The following GAS7 variants were observed in gnomAD, a reference collection of about 807,000 sequenced individuals.
GAS7 encodes the protein growth arrest-specific protein 7.
Under a neutral mutation model 71.1 loss-of-function variants are expected in GAS7, and 28 were observed. The ratio of observed to expected loss-of-function variants is 0.39; its 90% CI spans 0.29 to 0.54. The LOEUF is 0.54. GAS7 is among the 20% of genes least tolerant of loss of function. The pLI is 0.62. For missense variants in GAS7, 436 were observed against 627.8 expected (o/e 0.69, Z 3.27); for synonymous variants, 258 against 245.8 (o/e 1.05, Z -0.46).
intron 7 of GAS7, among the ~76,000 whole-genome samples, chr17:9,942,719 G>A (rs750783664): frequency 2.0e-5 from 3 of 152,066 alleles, no homozygotes; most frequent in Admixed American, 2.0e-4. Flanking sequence ...AGGAGTCTGC[G>A]GGGGAAGACA....
chr17:10,155,546 C>G (rs985888134), intron 1 of GAS7, among the ~76,000 whole-genome samples: 3 of 152,144 alleles, frequency 2.0e-5, no homozygotes, highest in Admixed American at 6.6e-5. Flanking sequence ...CAAATAGAAG[C>G]TAGTTCAAGC....
chr17:10,019,963 G>A lies in GAS7; in HGVS notation c.184-66C>T, dbSNP rs1386829127. 14 of 1,509,196 alleles carry A rather than the reference G, an allele frequency of 9.3e-6. No individual in the cohort carries two copies. In the East Asian group the frequency reaches 2.0e-4, roughly 22 times the overall value. The allele number at this position is 1,509,196 out of a possible 1,614,324, so 93.5% of individuals were successfully genotyped here. A position where few individuals can be genotyped will look rare whatever the true frequency, so the allele number is the denominator to read the frequency against. ...TTTGCAAGAGTTTTTAAACCAGGAA[G>A]GCAAAGGCTGATGAATTCACCCTAC... On this transcript the variant is annotated intron_variant, in intron 1 of 13. Coordinates refer to ENST00000432992, the MANE Select transcript of GAS7 (RefSeq NM_201433.2).
chr17:10,162,853 G>A (rs1432572648), intron 1 of GAS7, among the ~76,000 whole-genome samples: 1 of 152,164 alleles, frequency 6.6e-6, no homozygotes, highest in Non-Finnish European at 1.5e-5. Context: ...GAGAGGGAAT[G>A]GGGAGTGACT....
In GAS7 at chr17:9,960,598, T is replaced by C. The variant is rs552085531; in HGVS notation, c.472-1343A>G. ...ACAAGAAGGAACCACCGGCTTGGAGTGGGGGGCACCCCGCCCCTCAGGCCA... is the reference window on the plus strand; with the variant it reads ...ACAAGAAGGAACCACCGGCTTGGAGCGGGGGGCACCCCGCCCCTCAGGCCA... On this transcript the variant is annotated intron_variant, in intron 4 of 13. Transcript: ENST00000432992. 1.8e-4 allele frequency among the ~76,000 whole-genome samples: 28 copies of C among 152,096 alleles called. 1 individual carries two copies. The South Asian group carries it at 5.8e-3, about 32-fold the overall frequency.
intron 2 of GAS7, among the ~76,000 whole-genome samples, chr17:10,003,440 C>A (rs1165733231): frequency 6.6e-6 from 1 of 152,258 alleles, no homozygotes; most frequent in African/African-American, 2.4e-5. Flanking sequence ...CATATGTCAC[C>A]AGCCACCAAG....
At chr17:10,167,823 C>T (rs1305345088) in intron 1 of GAS7, among the ~76,000 whole-genome samples, 3 of 152,066 alleles carry the variant, frequency 2.0e-5, no homozygotes, top group Admixed American at 6.6e-5. Flanking sequence ...CTGGGCCTCC[C>T]GAGTAGCTGG....
rs180734395 is a variant in GAS7, at chr17:10,069,579, G to A, written c.184-49682C>T. ...ATGGAGTCAACTATGCCTTAGAGAC[G>A]CAAAGCGACTTGCCCAAGGTCACAG... On this transcript the variant is annotated intron_variant, in intron 1 of 13. Transcript: ENST00000432992. Among the ~76,000 whole-genome samples, 422 of 152,306 alleles carry A rather than the reference G, an allele frequency of 2.8e-3. 2 individuals carry two copies. Among genetic ancestry groups the A allele is most frequent in the Non-Finnish European group, 3.5e-3 (235 of 68,036 alleles).
rs137859405 is a variant in GAS7, at chr17:9,933,828, C to G, written c.885+338G>C. ...TCACTGCACTCCAGCCTGGGCAACA[C>G]AGTGAGACCTTGTCTTTTTAAAAAT... is the stretch of plus-strand genomic sequence containing the variant. On this transcript the variant is annotated intron_variant, in intron 9 of 13. Coordinates refer to ENST00000432992, the MANE Select transcript of GAS7 (RefSeq NM_201433.2). Among the ~76,000 whole-genome samples, 110 of 152,270 alleles carry G rather than the reference C, an allele frequency of 7.2e-4. 1 individual carries two copies. The highest frequency in any genetic ancestry group is 2.6e-3 in the African/African-American group (106 of 41,550).
intron 3 of GAS7, among the ~76,000 whole-genome samples, chr17:9,979,066 CA>C (rs1342340937): frequency 6.6e-6 from 1 of 152,186 alleles, no homozygotes; most frequent in Non-Finnish European, 1.5e-5. Context: ...CCCTGGTAGG[CA>C]AAACCACCCA....
chr17:10,084,925 C>A (rs571352963), intron 1 of GAS7, among the ~76,000 whole-genome samples: 1 of 152,266 alleles, frequency 6.6e-6, no homozygotes, highest in South Asian at 2.1e-4. Flanking sequence ...AGGTGTGTGA[C>A]CGATGGCCCC....
intron 1 of GAS7, among the ~76,000 whole-genome samples, chr17:10,195,975 C>T (rs1385821139): frequency 6.6e-6 from 1 of 152,114 alleles, no homozygotes; most frequent in African/African-American, 2.4e-5. Context: ...TGGGAAGACC[C>T]CCAGCTGGTT....
intron 1 of GAS7, among the ~76,000 whole-genome samples, chr17:10,158,217 G>A (rs2142115116): frequency 6.6e-6 from 1 of 151,654 alleles, no homozygotes; most frequent in South Asian, 2.1e-4. Context: ...GTTTCACCGT[G>A]TTAGCCAGGA....
At chr17:10,179,128 G>A (rs544935426) in intron 1 of GAS7, among the ~76,000 whole-genome samples, 6 of 152,002 alleles carry the variant, frequency 3.9e-5, no homozygotes, top group East Asian at 1.9e-4. Flanking sequence ...TCGGGAGTTC[G>A]AGACCAGCCT....
In GAS7 at chr17:10,140,252, A is replaced by G. The variant is rs139534820; in HGVS notation, c.183+57956T>C. Among the ~76,000 whole-genome samples, 26 of 152,284 alleles carry G rather than the reference A, an allele frequency of 1.7e-4. No homozygotes were observed. In the East Asian group the frequency reaches 3.9e-3, roughly 23 times the overall value. On this transcript the variant is annotated intron_variant, in intron 1 of 13. Transcript: ENST00000432992. ...CAAGGCGGGAGGACTGCGTGTGCCTAGGAGATCAAGAGCAGCTTGTGCAAC... is the reference window on the plus strand; with the variant it reads ...CAAGGCGGGAGGACTGCGTGTGCCTGGGAGATCAAGAGCAGCTTGTGCAAC...
intron 5 of GAS7, among the ~76,000 whole-genome samples, chr17:9,948,735 G>A (rs2068887507): frequency 6.6e-6 from 1 of 151,990 alleles, no homozygotes; most frequent in African/African-American, 2.4e-5. Flanking sequence ...TAGCTAAGGA[G>A]CGTGAAGTAC....
chr17:10,133,608 ATTATTAAC>A (rs1260639204), intron 1 of GAS7, among the ~76,000 whole-genome samples: 1 of 152,156 alleles, frequency 6.6e-6, no homozygotes, highest in Non-Finnish European at 1.5e-5. Flanking sequence ...ATAATACGCT[ATTATTAAC>A]TATAGTCACC....
intron 5 of GAS7, among the ~76,000 whole-genome samples, chr17:9,950,219 A>T (rs1323038369): frequency 1.3e-5 from 2 of 152,096 alleles, no homozygotes; most frequent in Admixed American, 6.5e-5. Flanking sequence ...TCTATGTAAG[A>T]TTCCTGGCCA....
chr17:10,070,983 GA>G (rs967872103), intron 1 of GAS7, among the ~76,000 whole-genome samples: 2 of 151,800 alleles, frequency 1.3e-5, no homozygotes, highest in African/African-American at 4.8e-5. Context: ...TATTTCTCTA[GA>G]AACCAGGGAC....
chr17:10,180,989 AC>A (rs946251981), intron 1 of GAS7, among the ~76,000 whole-genome samples: 29 of 150,388 alleles, frequency 1.9e-4, no homozygotes, highest in African/African-American at 7.1e-4. Context: ...GTGGGTGGCA[AC>A]AAAATTCCAA....
Sources: gnomAD v4.1 joint callset for allele counts (sites outside exome capture counted in the v4.1 genomes callset) on GRCh38, gnomAD v4.1.1 for gene constraint, MANE v1.5 for transcripts, NCBI Gene and HGNC (gene_info 2026-07-23, HGNC 2026-07-21) for gene names.